The following MARCHF1 variants were observed in gnomAD, a reference collection of about 807,000 sequenced individuals.
MARCHF1 encodes E3 ubiquitin-protein ligase MARCHF1.
In MARCHF1, 40 loss-of-function variants were observed where a neutral mutation model predicts 54.2. That is an observed-to-expected ratio of 0.74 (90% CI 0.57 to 0.96). The LOEUF (loss-of-function observed/expected upper bound fraction) is 0.96, where lower values mean the gene tolerates loss of function less well. Among genes scored for constraint, MARCHF1 ranks in the 40% least tolerant of loss-of-function variants. The pLI is 0.00. For missense variants in MARCHF1, 586 were observed against 656.5 expected, an observed-to-expected ratio of 0.89 and a Z score of 1.17; for synonymous variants, 236 against 236.3, an observed-to-expected ratio of 1.00 and a Z score of 0.01.
intron 1 of MARCHF1, among the ~76,000 whole-genome samples, chr4:164,124,061 A>G (rs1056039271): frequency 6.6e-6 from 1 of 151,956 alleles, no homozygotes; most frequent in Admixed American, 6.6e-5. Flanking sequence ...CAGGAAAAAA[A>G]TTGTAATAAT....
chr4:163,548,369 A>G (rs966764069), intron 8 of MARCHF1, among the ~76,000 whole-genome samples: 2 of 118,644 alleles, frequency 1.7e-5, no homozygotes, highest in African/African-American at 6.2e-5. Context: ...TTGGCTTAAA[A>G]TACTATTAAA....
rs1404664501 is a variant in MARCHF1, at chr4:163,562,941, A to G, written c.1192-17198T>C. 3.9e-5 allele frequency among the ~76,000 whole-genome samples: 6 copies of G among 152,290 alleles called. No individual in the cohort carries two copies. In the East Asian group the frequency reaches 1.2e-3, roughly 29 times the overall value. ...TTAGCTCAGGAACTAAACCCTGCCA[A>G]GTGCTTTTACTCTGTCTTCTCAGCT... On this transcript the variant is annotated intron_variant, in intron 8 of 9. Transcript: ENST00000514618.
chr4:163,782,207 T>C (rs1747484161), intron 4 of MARCHF1, among the ~76,000 whole-genome samples: 1 of 50,860 alleles, frequency 2.0e-5, no homozygotes, highest in Admixed American at 2.5e-4. Context: ...GGGAATTGGA[T>C]AGGAAGAAGC....
chr4:163,678,483 T>C (rs1743990573), intron 5 of MARCHF1, among the ~76,000 whole-genome samples: 1 of 152,198 alleles, frequency 6.6e-6, no homozygotes, highest in South Asian at 2.1e-4. Flanking sequence ...TTAATGTAAT[T>C]TTATAAGGAA....
intron 3 of MARCHF1, among the ~76,000 whole-genome samples, chr4:163,963,792 A>G (rs1752386349): frequency 6.6e-6 from 1 of 151,922 alleles, no homozygotes; most frequent in Non-Finnish European, 1.5e-5. Context: ...GAAAAACTCA[A>G]GTCATATAGA....
intron 1 of MARCHF1, among the ~76,000 whole-genome samples, chr4:164,369,638 T>C (rs1372047300): frequency 6.6e-6 from 1 of 152,210 alleles, no homozygotes; most frequent in Admixed American, 6.5e-5. Flanking sequence ...TATGTAATTA[T>C]ATATGTACTT....
chr4:163,889,152 G>A lies in MARCHF1; in HGVS notation c.-38-34983C>T, dbSNP rs1165527126. Among the ~76,000 whole-genome samples the A allele has an allele frequency of 2.0e-5, 3 of 152,150 alleles. No individual in the cohort carries two copies. In the East Asian group the frequency reaches 5.8e-4, roughly 29 times the overall value. ...GAAATGTTATGTTCTAGGGACCACA[G>A]TAGTTTATCACATATATTACATTAA... On this transcript the variant is annotated intron_variant, in intron 3 of 9. Coordinates refer to ENST00000514618, the MANE Select transcript of MARCHF1 (RefSeq NM_001394959.1).
chr4:164,254,519 TTAA>T (rs545656788), intron 1 of MARCHF1, among the ~76,000 whole-genome samples: 4 of 151,636 alleles, frequency 2.6e-5, no homozygotes, highest in Non-Finnish European at 2.9e-5. Flanking sequence ...TAGTTAATAC[TTAA>T]TAAACTCCCA....
At chr4:164,085,250 C>A (rs1254810586) in intron 2 of MARCHF1, among the ~76,000 whole-genome samples, 3 of 151,738 alleles carry the variant, frequency 2.0e-5, no homozygotes, top group Admixed American at 6.6e-5. Context: ...TCATCTCAAT[C>A]TCAGATATAC....
chr4:163,632,986 C>T (rs533085393), intron 5 of MARCHF1, among the ~76,000 whole-genome samples: 14 of 152,280 alleles, frequency 9.2e-5, no homozygotes, highest in Non-Finnish European at 1.3e-4. Context: ...AGCAGGGGCA[C>T]GCTGACACCT....
intron 3 of MARCHF1, among the ~76,000 whole-genome samples, chr4:163,951,249 T>C (rs977645483): frequency 4.6e-5 from 7 of 152,238 alleles, no homozygotes; most frequent in South Asian, 2.1e-4. Flanking sequence ...TTTAGGTCTA[T>C]TGATCAAAAT....
chr4:164,142,842 GAGA>G (rs1294599746), intron 1 of MARCHF1, among the ~76,000 whole-genome samples: 5 of 152,144 alleles, frequency 3.3e-5, no homozygotes, highest in African/African-American at 2.4e-5. Context: ...GACGAGCTGA[GAGA>G]AGAAGGCTTC....
At chr4:163,923,448 T>C (rs1751473631) in intron 3 of MARCHF1, among the ~76,000 whole-genome samples, 1 of 152,082 alleles carries the variant, frequency 6.6e-6, no homozygotes, top group Non-Finnish European at 1.5e-5. Flanking sequence ...TTAAGAGTTC[T>C]GTATGGAAAA....
intron 1 of MARCHF1, among the ~76,000 whole-genome samples, chr4:164,241,867 G>GTC (rs1732771144): frequency 6.6e-6 from 1 of 152,172 alleles, no homozygotes; most frequent in Admixed American, 6.5e-5. Context: ...AGGGGTGACG[G>GTC]ATGGCACCTG....
chr4:163,668,064 A>G (rs1203292685), intron 5 of MARCHF1, among the ~76,000 whole-genome samples: 1 of 152,194 alleles, frequency 6.6e-6, no homozygotes, highest in Non-Finnish European at 1.5e-5. Context: ...TAGAAACAAT[A>G]TTGGCACTTA....
At chr4:164,153,771 A>C (rs1730005173) in intron 1 of MARCHF1, among the ~76,000 whole-genome samples, 1 of 152,174 alleles carries the variant, frequency 6.6e-6, no homozygotes, top group South Asian at 2.1e-4. Context: ...TGATTTTTTA[A>C]ATCTAAATTT....
intron 1 of MARCHF1, among the ~76,000 whole-genome samples, chr4:164,142,161 G>A (rs557445798): frequency 1.2e-4 from 18 of 152,300 alleles, no homozygotes; most frequent in South Asian, 4.1e-4. Flanking sequence ...CACCTGCCTC[G>A]GAGGGTCCTA....
At chr4:164,104,031 C>A (rs1202341452) in intron 2 of MARCHF1, among the ~76,000 whole-genome samples, 2 of 151,566 alleles carry the variant, frequency 1.3e-5, no homozygotes, top group Non-Finnish European at 2.9e-5. Context: ...TGGATAAATT[C>A]CTGGACACAT....
At position 164,364,114 on chromosome 4, in the gene MARCHF1, G is replaced by C. The variant is rs1231803023; in HGVS notation, c.-323+19756C>G. ...ATCAAAGAAGGGAAGGGAGAGACCA[G>C]ACATCTTAAATCAAAAATTAGAAAT... On this transcript the variant is annotated intron_variant, in intron 1 of 9. Transcript: ENST00000514618. Among the ~76,000 whole-genome samples the C allele has an allele frequency of 2.0e-5, 3 of 152,042 alleles. No individual in the cohort carries two copies. The East Asian group carries it at 5.8e-4, about 29-fold the overall frequency.
Sources: gnomAD v4.1 joint callset for allele counts (sites outside exome capture counted in the v4.1 genomes callset) on GRCh38, gnomAD v4.1.1 for gene constraint, MANE v1.5 for transcripts, NCBI Gene and HGNC (gene_info 2026-07-23, HGNC 2026-07-21) for gene names.